Variants in SPON1 observed in about 807,000 individuals in gnomAD.
The protein encoded by SPON1 is spondin-1.
A neutral mutation model predicts 111.7 loss-of-function variants in SPON1; 52 were observed. The observed-to-expected ratio is 0.47, with a 90% CI of 0.37 to 0.59. The LOEUF is 0.59. Ranked by LOEUF, SPON1 falls within the 20% of genes least tolerant of loss-of-function variation. The pLI is 0.00. For missense variants in SPON1, 957 were observed against 1,068.5 expected, an observed-to-expected ratio of 0.90 and a Z score of 1.46; for synonymous variants, 410 against 395.8, an observed-to-expected ratio of 1.04 and a Z score of -0.43.
At chr11:14,154,014 C>T (rs995681259) in intron 6 of SPON1, among the ~76,000 whole-genome samples, 2 of 152,194 alleles carry the variant, frequency 1.3e-5, no homozygotes, top group Admixed American at 6.5e-5. Flanking sequence ...AAATGATGGG[C>T]TCTCAAGGCC....
chr11:14,168,534 G>T (rs764020561), intron 6 of SPON1, among the ~76,000 whole-genome samples: 1 of 151,612 alleles, frequency 6.6e-6, no homozygotes, highest in Non-Finnish European at 1.5e-5. Context: ...TTAAGTTTTA[G>T]GGTACATGTG....
chr11:14,211,756 C>A (rs1392402102), intron 6 of SPON1, among the ~76,000 whole-genome samples: 1 of 151,996 alleles, frequency 6.6e-6, no homozygotes, highest in African/African-American at 2.4e-5. Flanking sequence ...TGCTACTGAC[C>A]TTTGAATTTT....
rs1848046754 is a variant in SPON1, at chr11:13,969,544, G to T, written c.238+6402G>T. 3.3e-5 allele frequency among the ~76,000 whole-genome samples: 5 copies of T among 152,300 alleles called. No individual in the cohort carries two copies. The South Asian group carries it at 1.0e-3, about 32-fold the overall frequency. On this transcript the variant is annotated intron_variant, in intron 1 of 15. Coordinates refer to ENST00000576479, the MANE Select transcript of SPON1 (RefSeq NM_006108.4). The stretch of plus-strand genomic sequence containing the variant: ...TAAATCAAGAAAACAAAGGGGTGGT[G>T]TGGGAAGAGAAAAAGAAAAATGAAA...
chr11:14,198,274 A>C (rs1213714584), intron 6 of SPON1, among the ~76,000 whole-genome samples: 1 of 152,210 alleles, frequency 6.6e-6, no homozygotes, highest in East Asian at 1.9e-4. Context: ...AAGTTTGAAA[A>C]TCACTAAGCC....
chr11:14,241,829 G>A (rs192053252), intron 6 of SPON1, among the ~76,000 whole-genome samples: 7 of 152,210 alleles, frequency 4.6e-5, no homozygotes. Flanking sequence ...CATGAGAAAT[G>A]TAACTGCTCT....
Position 14,242,910 on chromosome 11 carries a change from G to A in SPON1, c.826-422G>A, listed in dbSNP as rs561719383. Among the ~76,000 whole-genome samples, 4 of 152,358 alleles carry A rather than the reference G, an allele frequency of 2.6e-5. 1 individual carries two copies. In the Middle Eastern group the frequency reaches 0.01, roughly 389 times the overall value. Reference sequence around the variant, plus strand: ...GTTGAGGGGACAGTCCTCAGGGCCAGGTGTTAGCCACATTGCAACTCCTGC... The same window carrying A: ...GTTGAGGGGACAGTCCTCAGGGCCAAGTGTTAGCCACATTGCAACTCCTGC... On this transcript the variant is annotated intron_variant, in intron 6 of 15. Transcript: ENST00000576479.
rs1367657208 is a variant in SPON1 at position 14,135,609 on chromosome 11, G to A, written c.825+41G>A. 3.1e-6 allele frequency: 5 copies of A among 1,593,624 alleles called. No homozygotes were observed. Among genetic ancestry groups the A allele is most frequent in the Non-Finnish European group, 4.3e-6 (5 of 1,164,662 alleles). On this transcript the variant is annotated intron_variant, in intron 6 of 15. Transcript: ENST00000576479. The surrounding 1 kb of genome is among the most constrained non-coding windows in gnomAD (Gnocchi z 4.4). ...CACAGAATGACCAAATAACAGAAAT[G>A]CAGTCAAAGCACTCCTTAGATATCT...
At chr11:14,013,667 C>T (rs1320175360) in intron 2 of SPON1, among the ~76,000 whole-genome samples, 1 of 152,140 alleles carries the variant, frequency 6.6e-6, no homozygotes, top group African/African-American at 2.4e-5. Context: ...ATATTGTATA[C>T]ATTGCCAATT....
intron 1 of SPON1, among the ~76,000 whole-genome samples, chr11:13,977,399 T>C (rs1326900184): frequency 6.6e-6 from 1 of 152,236 alleles, no homozygotes; most frequent in Non-Finnish European, 1.5e-5. Context: ...TATTTCATTG[T>C]AGATTTAATT....
intron 5 of SPON1, among the ~76,000 whole-genome samples, chr11:14,127,707 A>C (rs1554927134): frequency 6.6e-6 from 1 of 152,242 alleles, no homozygotes; most frequent in East Asian, 1.9e-4. Flanking sequence ...AGACCTTGGC[A>C]TTGTGCCTGA....
At chr11:14,092,829 C>G (rs1480323629) in intron 5 of SPON1, among the ~76,000 whole-genome samples, 1 of 152,112 alleles carries the variant, frequency 6.6e-6, no homozygotes. Context: ...AAAACTGAAG[C>G]ACAAAGAAGT....
intron 6 of SPON1, among the ~76,000 whole-genome samples, chr11:14,216,165 A>C (rs1848624279): frequency 6.6e-6 from 1 of 152,240 alleles, no homozygotes; most frequent in Admixed American, 6.5e-5. Context: ...AAAGATGCAC[A>C]TACAGGAAGC....
intron 7 of SPON1, among the ~76,000 whole-genome samples, chr11:14,250,634 A>G (rs1849043305): frequency 1.3e-5 from 2 of 152,294 alleles, no homozygotes; most frequent in Admixed American, 6.5e-5. Flanking sequence ...ACTCTCTGCT[A>G]GAAAACGGAT....
intron 5 of SPON1, among the ~76,000 whole-genome samples, chr11:14,081,290 T>A: frequency 6.6e-6 from 1 of 152,130 alleles, no homozygotes; most frequent in South Asian, 2.1e-4. Flanking sequence ...AAAAGATGCA[T>A]CCCATATTCT....
chr11:14,263,114 AT>A, intron 15 of SPON1, 139 bp downstream of exon 15: 3 of 893,058 alleles, frequency 3.4e-6, no homozygotes, highest in Non-Finnish European at 4.9e-6. Flanking sequence ...TTCAGGCCAC[AT>A]TTTGATTCTT....
At chr11:14,154,942 C>T (rs1468150966) in intron 6 of SPON1, among the ~76,000 whole-genome samples, 2 of 152,132 alleles carry the variant, frequency 1.3e-5, no homozygotes, top group Non-Finnish European at 2.9e-5. Flanking sequence ...CTCTTAAGTT[C>T]AAAGTTCCAC....
chr11:14,024,406 G>T (rs1554915074), intron 2 of SPON1, among the ~76,000 whole-genome samples: 1 of 152,184 alleles, frequency 6.6e-6, no homozygotes, highest in Non-Finnish European at 1.5e-5. Context: ...AGTGGTGGAG[G>T]TGGCGCTCAG....
intron 3 of SPON1, among the ~76,000 whole-genome samples, chr11:14,051,518 A>G (rs1348286355): frequency 6.6e-6 from 1 of 151,538 alleles, no homozygotes; most frequent in African/African-American, 2.4e-5. Context: ...TCTGGGAGAC[A>G]TAGTGAGAGC....
At chr11:14,150,222 G>A (rs1229814081) in intron 6 of SPON1, among the ~76,000 whole-genome samples, 2 of 152,088 alleles carry the variant, frequency 1.3e-5, no homozygotes, top group Non-Finnish European at 2.9e-5. Flanking sequence ...AGCCAGGCAT[G>A]GAAAGATAAA....
Sources: allele counts gnomAD v4.1 joint callset (sites outside exome capture counted in the v4.1 genomes callset), GRCh38; gene constraint gnomAD v4.1.1; non-coding constraint Gnocchi (gnomAD v3.1); transcripts MANE v1.5; gene names NCBI Gene and HGNC (gene_info 2026-07-23, HGNC 2026-07-21).